The following AZIN1 variants were observed in gnomAD, a reference collection of about 807,000 sequenced individuals.
The protein encoded by AZIN1 is ornithine decarboxylase antizyme inhibitor.
A neutral mutation model predicts 47.4 loss-of-function variants in AZIN1; 12 were observed. The ratio of observed to expected loss-of-function variants is 0.25; its 90% confidence interval spans 0.16 to 0.41. The LOEUF is 0.41. Among genes scored for constraint, AZIN1 ranks in the 10% least tolerant of loss-of-function variants. The probability of loss-of-function intolerance (pLI) is 1.00; values close to 1 mark genes in which losing one functional copy is unlikely to be tolerated. For missense variants in AZIN1, 410 were observed against 532.4 expected, an observed-to-expected ratio of 0.77 and a Z score of 2.26; for synonymous variants, 155 against 176.3, an observed-to-expected ratio of 0.88 and a Z score of 0.96.
chr8:102,843,222 A>AT (rs1218133795), intron 3 of AZIN1, among the ~76,000 whole-genome samples: 4 of 151,660 alleles, frequency 2.6e-5, no homozygotes, highest in East Asian at 3.8e-4. Context: ...AAAAAAAAAA[A>AT]AGAAAATTGA....
At position 102,829,930 on chromosome 8, in the gene AZIN1, T is replaced by A. The variant is rs748733825; in HGVS notation, c.911A>T (p.Lys304Ile). 2 of 1,595,294 alleles carry A rather than the reference T, an allele frequency of 1.3e-6. No individual in the cohort carries two copies. The highest frequency in any genetic ancestry group is 2.3e-5 in the South Asian group (2 of 87,840). The change falls in exon 10 of 12, where the codon AAA becomes ATA. Residue 304 changes from lysine (K) to isoleucine (I), a missense_variant. Transcript: ENST00000337198. ...GAAGGCTGGTTCATCACTTCCGGTT[T>A]TTTCTACTGGAATAAAACAGGAAAG... is the stretch of plus-strand genomic sequence containing the variant. ...ENDKFPSGVE[K>I]TGSDEPAFMY...
chr8:102,831,918 G>GTAC (rs1811487946), intron 9 of AZIN1, among the ~76,000 whole-genome samples: 1 of 152,152 alleles, frequency 6.6e-6, no homozygotes, highest in Non-Finnish European at 1.5e-5. Context: ...TGGAGCCACT[G>GTAC]TACTCCAGCC....
chr8:102,863,402 G>C (rs1813876200), intron 1 of AZIN1, among the ~76,000 whole-genome samples: 1 of 151,666 alleles, frequency 6.6e-6, no homozygotes, highest in Non-Finnish European at 1.5e-5. Context: ...GCGGGACCCC[G>C]GCCCCTCAGG....
chr8:102,863,515 C>T lies in AZIN1; in HGVS notation c.-234+292G>A, dbSNP rs1813891016. 1.3e-5 allele frequency among the ~76,000 whole-genome samples: 2 copies of T among 151,642 alleles called. 1 individual carries two copies. The highest frequency in any genetic ancestry group is 4.1e-4 in the South Asian group (2 of 4,824). The stretch of plus-strand genomic sequence containing the variant: ...ACGGCGACCCCCGGCGGCGAGACCC[C>T]CGCGCGCTCCCCCACTGGCACACGC... On this transcript the variant is annotated intron_variant, in intron 1 of 11. Transcript: ENST00000337198.
intron 2 of AZIN1, among the ~76,000 whole-genome samples, chr8:102,848,982 C>A (rs1812757932): frequency 6.6e-6 from 1 of 152,078 alleles, no homozygotes; most frequent in African/African-American, 2.4e-5. Flanking sequence ...ATACCTTACT[C>A]CAGATTCACT....
intron 5 of AZIN1, among the ~76,000 whole-genome samples, chr8:102,837,447 A>C (rs1811894551): frequency 6.6e-6 from 1 of 152,262 alleles, no homozygotes; most frequent in Non-Finnish European, 1.5e-5. Context: ...ATAATTACAT[A>C]AACTAAGAAG....
intron 6 of AZIN1, chr8:102,835,055 G>T: frequency 4.7e-6 from 1 of 214,646 alleles, no homozygotes; most frequent in Non-Finnish European, 9.3e-6. Flanking sequence ...GCACTTTTAT[G>T]TTTATATAGT....
rs1813955502 is a variant in AZIN1 at position 102,864,123 on chromosome 8, A to T, written c.-550T>A. 1 of 170,764 alleles carries T rather than the reference A, an allele frequency of 5.9e-6. No homozygotes were observed. 10.6% of individuals were successfully genotyped at this position (170,764 alleles called of 1,614,324 possible). Reference sequence around the variant, plus strand: ...AGGCAGAGAAGGCGACGGCAGAAGAAAAAAGGAAAAACTGCGGCCGCGATC... The same window carrying T: ...AGGCAGAGAAGGCGACGGCAGAAGATAAAAGGAAAAACTGCGGCCGCGATC... On this transcript the variant is annotated 5_prime_UTR_variant, in exon 1 of 12. Coordinates refer to ENST00000337198, the MANE Select transcript of AZIN1 (RefSeq NM_148174.4).
At chr8:102,834,323 T>A in intron 7 of AZIN1, 60 bp from the exon 8 acceptor site, 1 of 1,400,450 alleles carries the variant, frequency 7.1e-7, no homozygotes, top group East Asian at 2.3e-5. Flanking sequence ...ATGAGAACAT[T>A]TTAAAAACCC....
chr8:102,833,234 G>A lies in AZIN1; in HGVS notation c.742-16C>T, dbSNP rs565888676. ...CATGATTAACCTATGGATTTTAAAT[G>A]CCACAGTATGGTTTCAATATTGGAT... is the stretch of plus-strand genomic sequence containing the variant. On this transcript the variant is annotated splice_polypyrimidine_tract_variant and intron_variant, in intron 8 of 11. Transcript: ENST00000337198. 1.5e-5 allele frequency: 24 copies of A among 1,602,304 alleles called. No individual in the cohort carries two copies. The South Asian group carries it at 2.7e-4, about 18-fold the overall frequency.
chr8:102,853,464 T>C (rs1006402228), intron 2 of AZIN1, among the ~76,000 whole-genome samples: 5 of 152,172 alleles, frequency 3.3e-5, no homozygotes, highest in African/African-American at 9.7e-5. Flanking sequence ...ATCGCGCCAC[T>C]GCACTCTAGC....
chr8:102,836,201 A>G lies in AZIN1; in HGVS notation c.584+55T>C, dbSNP rs553375827. On this transcript the variant is annotated intron_variant, in intron 6 of 11. Transcript: ENST00000337198. ...AAGTCTTAAATCAATAACCAGAAAG[A>G]CAGGTTACCACCATAAAATGTTCAC... 6.5e-6 allele frequency: 10 copies of G among 1,531,350 alleles called. No individual in the cohort carries two copies. In the South Asian group the frequency reaches 1.1e-4, roughly 16 times the overall value. The allele number at this position is 1,531,350 out of a possible 1,614,324, so 94.9% of individuals were successfully genotyped here. A position where few individuals can be genotyped will look rare whatever the true frequency, so the allele number is the denominator to read the frequency against.
At position 102,834,650 on chromosome 8, in the gene AZIN1, A is replaced by G. The variant is rs549486654; in HGVS notation, c.666+16T>C. 1.9e-6 allele frequency: 3 copies of G among 1,565,816 alleles called. No individual in the cohort carries two copies. The highest frequency in any genetic ancestry group is 2.7e-5 in the African/African-American group (2 of 73,210). On this transcript the variant is annotated intron_variant, in intron 7 of 11. Coordinates refer to ENST00000337198, the MANE Select transcript of AZIN1 (RefSeq NM_148174.4). ...CTAAAATAAAATATCAAAATAACTT[A>G]AAAGAAAGAACTTACAGCCATGTCA...
intron 9 of AZIN1, among the ~76,000 whole-genome samples, chr8:102,831,900 A>G (rs1008717776): frequency 6.6e-6 from 1 of 152,178 alleles, no homozygotes; most frequent in Non-Finnish European, 1.5e-5. Flanking sequence ...GACTGCAATG[A>G]GCCCTGATGG....
Position 102,826,881 on chromosome 8 carries a change from T to C in AZIN1, c.*1686A>G, listed in dbSNP as rs1811143716. The C allele has an allele frequency of 2.0e-5, 3 of 152,580 alleles. No homozygotes were observed. Among genetic ancestry groups the C allele is most frequent in the African/African-American group, 7.2e-5 (3 of 41,420 alleles). The allele number at this position is 152,580 out of a possible 1,614,324, so 9.5% of individuals were successfully genotyped here. A position where few individuals can be genotyped will look rare whatever the true frequency, so the allele number is the denominator to read the frequency against. The stretch of plus-strand genomic sequence containing the variant: ...TTTGCATAAAACCCCATAATATACC[T>C]TGGAAAAGTCCAAGGGCAATTTGAT... On this transcript the variant is annotated 3_prime_UTR_variant, in exon 12 of 12. Transcript: ENST00000337198.
chr8:102,856,776 C>T (rs1813321557), intron 2 of AZIN1, among the ~76,000 whole-genome samples: 1 of 152,180 alleles, frequency 6.6e-6, no homozygotes, highest in Non-Finnish European at 1.5e-5. Context: ...GATGGACTAA[C>T]AAAAATTAGG....
intron 1 of AZIN1, 121 bp from the exon 2 acceptor site, chr8:102,858,271 T>C: frequency 2.5e-6 from 1 of 393,294 alleles, no homozygotes; most frequent in Non-Finnish European, 4.5e-6. Flanking sequence ...TAAAGTCACA[T>C]TACACAAGTG....
At chr8:102,833,004 C>T (rs774308038) in intron 9 of AZIN1, 52 bp downstream of exon 9, 3 of 1,478,790 alleles carry the variant, frequency 2.0e-6, no homozygotes, top group Non-Finnish European at 2.8e-6. Flanking sequence ...CATTTCCAGA[C>T]TAACTGCAAT....
intron 6 of AZIN1, 188 bp from the exon 7 acceptor site, chr8:102,834,935 G>T (rs1359326040): frequency 7.7e-6 from 4 of 516,832 alleles, no homozygotes; most frequent in Non-Finnish European, 1.0e-5. Flanking sequence ...TTATAGAAAA[G>T]GCAATGCCAA....
Sources: allele counts gnomAD v4.1 joint callset (sites outside exome capture counted in the v4.1 genomes callset), GRCh38; gene constraint gnomAD v4.1.1; transcripts MANE v1.5; gene names NCBI Gene and HGNC (gene_info 2026-07-23, HGNC 2026-07-21).